Variants in DCC observed in about 807,000 individuals in gnomAD.
DCC encodes the protein DCC netrin 1 receptor.
DCC carries 58 observed loss-of-function variants against 172.5 expected under a neutral mutation model. That is an observed-to-expected ratio of 0.34 (90% confidence interval 0.27 to 0.42). The LOEUF is 0.42. Among genes scored for constraint, DCC ranks in the 10% least tolerant of loss-of-function variants. The probability of loss-of-function intolerance (pLI) is 1.00; values close to 1 mark genes in which losing one functional copy is unlikely to be tolerated. For synonymous variants in DCC, 709 were observed against 644.5 expected, an observed-to-expected ratio of 1.10 and a Z score of -1.52; for missense variants, 1,740 against 1,791.0, an observed-to-expected ratio of 0.97 and a Z score of 0.51.
At chr18:52,490,751 G>T (rs1293181734) in intron 1 of DCC, among the ~76,000 whole-genome samples, 3 of 152,006 alleles carry the variant, frequency 2.0e-5, no homozygotes, top group South Asian at 2.1e-4. Context: ...TGCATAGTAG[G>T]AAATTATTTG....
chr18:53,093,914 CCT>C (rs2043048535), intron 7 of DCC, among the ~76,000 whole-genome samples: 3 of 152,288 alleles, frequency 2.0e-5, no homozygotes, highest in African/African-American at 7.2e-5. Context: ...CTGCTTAACT[CCT>C]GTTTCCTGGC....
intron 7 of DCC, among the ~76,000 whole-genome samples, chr18:53,073,078 T>G (rs2042676745): frequency 6.6e-6 from 1 of 152,190 alleles, no homozygotes; most frequent in Non-Finnish European, 1.5e-5. Context: ...ACACCTGCTT[T>G]TAAGCAAGCA....
intron 15 of DCC, among the ~76,000 whole-genome samples, chr18:53,372,743 A>T (rs1384487608): frequency 1.3e-5 from 2 of 150,258 alleles, no homozygotes; most frequent in Non-Finnish European, 3.0e-5. Context: ...TTCACTTCTA[A>T]TGCTGGTGTG....
intron 15 of DCC, among the ~76,000 whole-genome samples, chr18:53,354,601 G>C (rs991921483): frequency 4.6e-5 from 7 of 152,040 alleles, no homozygotes; most frequent in Non-Finnish European, 7.4e-5. Flanking sequence ...CCCACTTTTT[G>C]ATGGGCTTCT....
At chr18:52,545,303 A>G (rs1033797290) in intron 1 of DCC, among the ~76,000 whole-genome samples, 2 of 152,206 alleles carry the variant, frequency 1.3e-5, no homozygotes, top group Non-Finnish European at 2.9e-5. Context: ...GCCTTCTTGT[A>G]TCAGGAAGTG....
intron 12 of DCC, among the ~76,000 whole-genome samples, chr18:53,270,912 T>C (rs1012675511): frequency 6.6e-6 from 1 of 152,180 alleles, no homozygotes; most frequent in Non-Finnish European, 1.5e-5. Flanking sequence ...GTACTACTTA[T>C]TAAAAGTACA....
chr18:53,007,676 G>T (rs2041666065), intron 5 of DCC, among the ~76,000 whole-genome samples: 1 of 151,908 alleles, frequency 6.6e-6, no homozygotes, highest in Non-Finnish European at 1.5e-5. Context: ...ACATTTATTT[G>T]TTCCAATATG....
Position 52,340,783 on chromosome 18 carries a change from G to C in DCC, c.-5G>C, listed in dbSNP as rs1202840634. ...ACCCCTGGCCCCGAAGGTGTTGGCT[G>C]AAATATGGAGAATAGTCTTAGATGT... On this transcript the variant is annotated 5_prime_UTR_variant, in exon 1 of 29. Coordinates refer to ENST00000442544, the MANE Select transcript of DCC (RefSeq NM_005215.4). 1.7e-5 allele frequency: 27 copies of C among 1,613,558 alleles called. No individual in the cohort carries two copies. The highest frequency in any genetic ancestry group is 2.3e-5 in the Non-Finnish European group (27 of 1,179,520).
intron 2 of DCC, among the ~76,000 whole-genome samples, chr18:52,875,091 A>T (rs1488276572): frequency 6.6e-6 from 1 of 152,104 alleles, no homozygotes; most frequent in Non-Finnish European, 1.5e-5. Flanking sequence ...TTGTACATCA[A>T]CGCAATGTTC....
chr18:53,366,211 C>A (rs958950044), intron 15 of DCC, among the ~76,000 whole-genome samples: 4 of 152,060 alleles, frequency 2.6e-5, no homozygotes, highest in African/African-American at 9.7e-5. Flanking sequence ...CACTCGCCAC[C>A]ATGACCAGCT....
chr18:53,209,370 T>C (rs1251578246), intron 11 of DCC, among the ~76,000 whole-genome samples: 1 of 152,166 alleles, frequency 6.6e-6, no homozygotes, highest in Admixed American at 6.5e-5. Context: ...CTTGTGAATA[T>C]TAAAAAAGGC....
At chr18:53,384,571 G>C (rs950700162) in intron 15 of DCC, among the ~76,000 whole-genome samples, 9 of 151,578 alleles carry the variant, frequency 5.9e-5, no homozygotes, top group East Asian at 5.8e-4. Context: ...TATTCATCTA[G>C]TTACCGTTCA....
chr18:53,027,156 G>A (rs556162492), intron 5 of DCC, among the ~76,000 whole-genome samples: 1 of 152,092 alleles, frequency 6.6e-6, no homozygotes, highest in African/African-American at 2.4e-5. Flanking sequence ...ACCCTCCTTA[G>A]GACAATTGGG....
intron 7 of DCC, among the ~76,000 whole-genome samples, chr18:53,090,571 G>A (rs980320261): frequency 6.6e-6 from 1 of 150,950 alleles, no homozygotes; most frequent in African/African-American, 2.4e-5. Context: ...GCGGGCACCT[G>A]TGGTCCCAGC....
intron 5 of DCC, among the ~76,000 whole-genome samples, chr18:53,037,424 A>G (rs1337044876): frequency 6.6e-6 from 1 of 151,994 alleles, no homozygotes; most frequent in Non-Finnish European, 1.5e-5. Context: ...AAGTGAGGGT[A>G]GACATTGAAA....
intron 1 of DCC, among the ~76,000 whole-genome samples, chr18:52,467,205 C>G (rs1457419989): frequency 6.6e-6 from 1 of 151,888 alleles, no homozygotes. Flanking sequence ...TAGTCCCCCA[C>G]CCCCCGACAG....
intron 1 of DCC, among the ~76,000 whole-genome samples, chr18:52,731,512 A>C (rs1188111770): frequency 6.6e-6 from 1 of 152,236 alleles, no homozygotes; most frequent in East Asian, 1.9e-4. Context: ...CTATAGTGAA[A>C]GGGTTTAGGA....
chr18:52,856,368 G>A (rs1478015624), intron 2 of DCC, among the ~76,000 whole-genome samples: 6 of 151,830 alleles, frequency 4.0e-5, no homozygotes, highest in African/African-American at 1.4e-4. Flanking sequence ...GCTCACGCCT[G>A]TAATCTCAGC....
At chr18:53,465,436 GA>G (rs1367382157) in intron 24 of DCC, among the ~76,000 whole-genome samples, 2 of 152,078 alleles carry the variant, frequency 1.3e-5, no homozygotes, top group African/African-American at 4.8e-5. Context: ...TTCCTGATGA[GA>G]AATCTGCTGT....
Sources: gnomAD v4.1 joint callset for allele counts (sites outside exome capture counted in the v4.1 genomes callset) on GRCh38, gnomAD v4.1.1 for gene constraint, MANE v1.5 for transcripts, NCBI Gene and HGNC (gene_info 2026-07-23, HGNC 2026-07-21) for gene names.